Variants in KRT32 observed in about 807,000 individuals in gnomAD.
KRT32 encodes keratin, type I cuticular Ha2.
Under a neutral mutation model 41.8 loss-of-function variants are expected in KRT32, and 44 were observed. That is an observed-to-expected ratio of 1.05 (90% CI 0.83 to 1.35). The LOEUF (loss-of-function observed/expected upper bound fraction) is 1.35. Ranked by LOEUF, KRT32 falls within the 40% of genes most tolerant of loss-of-function variation. The pLI, the probability that KRT32 is intolerant of heterozygous loss-of-function variation, is 0.00. For synonymous variants in KRT32, 238 were observed against 242.5 expected, an observed-to-expected ratio of 0.98 and a Z score of 0.17; for missense variants, 576 against 584.6, an observed-to-expected ratio of 0.99 and a Z score of 0.15.
chr17:41,463,057 C>A lies in KRT32; in HGVS notation c.997-7G>T, dbSNP rs2019023586. Reference sequence around the variant, plus strand: ...TGTTTTCCAGGGAGTCCCTCTAAGGCAAAGGAAGACATAACCATGAGGAAG... The same window carrying A: ...TGTTTTCCAGGGAGTCCCTCTAAGGAAAAGGAAGACATAACCATGAGGAAG... On this transcript the variant is annotated splice_region_variant and splice_polypyrimidine_tract_variant and intron_variant, in intron 5 of 6. Transcript: ENST00000225899. The A allele has an allele frequency of 6.2e-7, 1 of 1,605,986 alleles. No homozygotes were observed. Among genetic ancestry groups the A allele is most frequent in the Non-Finnish European group, 8.5e-7 (1 of 1,174,276 alleles).
intron 3 of KRT32, among the ~76,000 whole-genome samples, chr17:41,464,804 G>C (rs11078995): frequency 0.073 from 11,075 of 152,278 alleles, 616 homozygotes; most frequent in East Asian, 0.22. Flanking sequence ...GGCTTGACTA[G>C]TTAAAGGCCC....
rs117028403 is a variant in KRT32 at position 41,467,179 on chromosome 17, C to T, written c.147G>A (p.Ser49=). ...YVCQPMACLP[S]VCLPTTFRPA... is the part of the protein sequence containing the mutation. The stretch of plus-strand genomic sequence containing the variant: ...GCCGGAAGGTGGTGGGCAGGCAGAC[C>T]GAAGGCAGGCATGCCATGGGCTGGC... Residue 49 remains serine, a synonymous_variant, in exon 1 of 7, where the codon TCG becomes TCA. Coordinates refer to ENST00000225899, the MANE Select transcript of KRT32 (RefSeq NM_002278.3). The T allele has an allele frequency of 0.03, 48,614 of 1,613,986 alleles. 836 individuals carry two copies. Among genetic ancestry groups the T allele is most frequent in the South Asian group, 0.036 (3,271 of 91,076 alleles).
At chr17:41,465,428 C>T (rs1040581692) in intron 3 of KRT32, among the ~76,000 whole-genome samples, 1 of 151,790 alleles carries the variant, frequency 6.6e-6, no homozygotes, top group Non-Finnish European at 1.5e-5. Context: ...GAAAAAAATG[C>T]AGTTGCCACT....
rs745612757 is a variant in KRT32 at position 41,465,921 on chromosome 17, G to A, written c.560C>T (p.Ala187Val). 2 of 1,613,238 alleles carry A rather than the reference G, an allele frequency of 1.2e-6. No homozygotes were observed. The highest frequency in any genetic ancestry group is 3.3e-5 in the Admixed American group (2 of 59,970). ...AADDFRAKYE[A>V]ELAMRQLVEA... ...CACCAGCTGCCGCATGGCCAGCTCT[G>A]CCTCGTACCTGCACAAGGACAGGGT... Residue 187 changes from alanine to valine, a missense_variant, in exon 3 of 7, where the codon GCA becomes GTA. By Grantham distance (64) the Ala-to-Val change is moderately conservative. Coordinates refer to ENST00000225899, the MANE Select transcript of KRT32 (RefSeq NM_002278.3).
chr17:41,466,115 G>A lies in KRT32; in HGVS notation c.530C>T (p.Ala177Val), dbSNP rs148434545. Residue 177 changes from alanine (A) to valine (V), a missense_variant, in exon 2 of 7, where the codon GCT becomes GTT. Transcript: ENST00000225899. ...MVVNIDNAKL[A>V]ADDFRAKYEA... ...TCACTTGGCCCTGAAGTCATCGGCA[G>A]CCAGTTTGGCATTATCAATGTTCAC... The A allele has an allele frequency of 2.4e-5, 39 of 1,614,180 alleles. No homozygotes were observed. The highest frequency in any genetic ancestry group is 3.3e-5 in the Non-Finnish European group (39 of 1,180,024).
At position 41,466,095 on chromosome 17, in the gene KRT32, T is replaced by C; in HGVS notation, c.550A>G (p.Lys184Glu). The C allele has an allele frequency of 6.2e-7, 1 of 1,614,124 alleles. No homozygotes were observed. The highest frequency in any genetic ancestry group is 2.2e-5 in the East Asian group (1 of 44,882). The change falls in exon 2 of 7, where the codon AAG becomes GAG. Residue 184 changes from lysine (K) to glutamate (E), a missense_variant and splice_region_variant. Physicochemically the swap from Lys to Glu is moderately conservative, Grantham distance 56 (BLOSUM62 1). Transcript: ENST00000225899. ...CTCCAGCCCCCCGACTGAACTCACT[T>C]GGCCCTGAAGTCATCGGCAGCCAGT... ...AKLAADDFRA[K>E]YEAELAMRQL... is the part of the protein sequence containing the mutation.
Position 41,464,089 on chromosome 17 carries a change from G to C in KRT32, c.985C>G (p.Gln329Glu). 2 of 1,600,182 alleles carry C rather than the reference G, an allele frequency of 1.2e-6. No individual in the cohort carries two copies. The highest frequency in any genetic ancestry group is 8.5e-7 in the Non-Finnish European group (1 of 1,172,854). The change falls in exon 5 of 7, where the codon CAG becomes GAG. Residue 329 changes from glutamine to glutamate, a missense_variant. Transcript: ENST00000225899. Reference protein sequence around the residue: ...VNTLEIELQAQHSLRDSLENT... With the variant: ...VNTLEIELQAEHSLRDSLENT... ...CCAGCAGCTCTCACCAGGCTGTGCT[G>C]GGCCTGCAGCTCGATCTCCAGCGTG...
At position 41,464,346 on chromosome 17, in the gene KRT32, C is replaced by T. The variant is rs778185516; in HGVS notation, c.806G>A (p.Arg269Gln). 4.6e-5 allele frequency: 74 copies of T among 1,612,268 alleles called. No individual in the cohort carries two copies. Among genetic ancestry groups the T allele is most frequent in the Admixed American group, 6.7e-5 (4 of 59,878 alleles). ...VDLTRVLEEM[R>Q]CQYEAMVEAN... is the part of the protein sequence containing the mutation. ...CTCCACCATGGCCTCGTACTGACAC[C>T]GCATCTCCTCCAGCACCCTGGTCAG... Residue 269 changes from arginine (R) to glutamine (Q), a missense_variant, in exon 4 of 7, where the codon CGG becomes CAG. Coordinates refer to ENST00000225899, the MANE Select transcript of KRT32 (RefSeq NM_002278.3).
At chr17:41,466,022 A>T in intron 2 of KRT32, 72 bp downstream of exon 2, 1 of 1,603,088 alleles carries the variant, frequency 6.2e-7, no homozygotes, top group Non-Finnish European at 8.5e-7. Context: ...CCCTCCGTGA[A>T]ACTAATGGAA....
Position 41,464,453 on chromosome 17 carries a change from C to A in KRT32, c.709-10G>T, listed in dbSNP as rs140575243. The A allele has an allele frequency of 2.4e-5, 37 of 1,533,060 alleles. No individual in the cohort carries two copies. In the African/African-American group the frequency reaches 4.2e-4, roughly 17 times the overall value. The allele number at this position is 1,533,060 out of a possible 1,614,324, so 95.0% of individuals were successfully genotyped here. A position where few individuals can be genotyped will look rare whatever the true frequency, so the allele number is the denominator to read the frequency against. Reference sequence around the variant, plus strand: ...GAAGGGAACCGACTTCCTGAAAAGGCACAAGACCTCCAGAAAAATGTGACA... The same window carrying A: ...GAAGGGAACCGACTTCCTGAAAAGGAACAAGACCTCCAGAAAAATGTGACA... On this transcript the variant is annotated splice_polypyrimidine_tract_variant and intron_variant, in intron 3 of 6. Coordinates refer to ENST00000225899, the MANE Select transcript of KRT32 (RefSeq NM_002278.3).
At position 41,459,907 on chromosome 17, in the gene KRT32, C is replaced by T. The variant is rs2018981795; in HGVS notation, c.*203G>A. ...CAACCAGAAACATCACCAAAGAGAA[C>T]AGTTCACCCATGGAAAAAAGAGGCA... On this transcript the variant is annotated 3_prime_UTR_variant, in exon 7 of 7. Coordinates refer to ENST00000225899, the MANE Select transcript of KRT32 (RefSeq NM_002278.3). 2 of 490,410 alleles carry T rather than the reference C, an allele frequency of 4.1e-6. No individual in the cohort carries two copies. The highest frequency in any genetic ancestry group is 7.1e-6 in the Non-Finnish European group (2 of 280,096). 30.4% of individuals were successfully genotyped at this position (490,410 alleles called of 1,614,324 possible).
chr17:41,461,027 C>T, intron 6 of KRT32, among the ~76,000 whole-genome samples: 1 of 152,160 alleles, frequency 6.6e-6, no homozygotes, highest in African/African-American at 2.4e-5. Flanking sequence ...GGCCACAGGG[C>T]TTGTGCCCTG....
chr17:41,463,349 C>A (rs147357663), intron 5 of KRT32, among the ~76,000 whole-genome samples: 44 of 152,350 alleles, frequency 2.9e-4, no homozygotes, highest in African/African-American at 1.0e-3. Flanking sequence ...CTGCCGGCAT[C>A]ATTTAGAACA....
At chr17:41,461,662 T>C (rs1244461665) in intron 6 of KRT32, among the ~76,000 whole-genome samples, 1 of 152,240 alleles carries the variant, frequency 6.6e-6, no homozygotes, top group Non-Finnish European at 1.5e-5. Flanking sequence ...ATTGCCTGGA[T>C]TGGACAAGGC....
intron 6 of KRT32, among the ~76,000 whole-genome samples, chr17:41,462,284 C>A (rs1256175596): frequency 6.6e-6 from 1 of 152,124 alleles, no homozygotes; most frequent in African/African-American, 2.4e-5. Context: ...CATAAATGGG[C>A]CCCGGCTGAT....
At chr17:41,464,991 G>A (rs556048511) in intron 3 of KRT32, among the ~76,000 whole-genome samples, 23 of 152,276 alleles carry the variant, frequency 1.5e-4, no homozygotes, top group African/African-American at 5.5e-4. Context: ...GTGACTGATT[G>A]TTACTTTACA....
chr17:41,466,255 G>T, intron 1 of KRT32, 79 bp from the exon 2 acceptor site: 1 of 1,188,750 alleles, frequency 8.4e-7, no homozygotes. Flanking sequence ...GAAGACAGCA[G>T]CAAAGGTAGG....
At chr17:41,460,383 C>T in intron 6 of KRT32, 144 bp from the exon 7 acceptor site, 1 of 1,080,738 alleles carries the variant, frequency 9.3e-7, no homozygotes, top group Admixed American at 2.1e-5. Context: ...CCTCCGCCAT[C>T]TTTGCCTGAG....
chr17:41,462,726 C>T lies in KRT32; in HGVS notation c.1217+104G>A, dbSNP rs16966920. 5.0e-4 allele frequency: 634 copies of T among 1,257,232 alleles called. 4 individuals carry two copies. In the African/African-American group the frequency reaches 8.0e-3, roughly 16 times the overall value. 77.9% of individuals were successfully genotyped at this position (1,257,232 alleles called of 1,614,324 possible). On this transcript the variant is annotated intron_variant, in intron 6 of 6. Transcript: ENST00000225899. Reference sequence around the variant, plus strand: ...CTTCTTAATGGCTCCATAGTCAGGACAGGGTTCTAAGCTGATGGTCCCTCA... The same window carrying T: ...CTTCTTAATGGCTCCATAGTCAGGATAGGGTTCTAAGCTGATGGTCCCTCA...
Sources: allele counts gnomAD v4.1 joint callset (sites outside exome capture counted in the v4.1 genomes callset), GRCh38; gene constraint gnomAD v4.1.1; transcripts MANE v1.5; gene names NCBI Gene and HGNC (gene_info 2026-07-23, HGNC 2026-07-21).